The following KIF27 variants were observed in gnomAD, a reference collection of about 807,000 sequenced individuals.
KIF27 encodes the protein kinesin-like protein KIF27.
Under a neutral mutation model 141.8 loss-of-function variants are expected in KIF27, and 84 were observed. The ratio of observed to expected loss-of-function variants is 0.59; its 90% CI spans 0.50 to 0.71. KIF27 has a LOEUF of 0.71. KIF27 is among the 30% of genes least tolerant of loss of function. The pLI is 0.00. For missense variants in KIF27, 1,306 were observed against 1,628.4 expected, an observed-to-expected ratio of 0.80 and a Z score of 3.41; for synonymous variants, 471 against 569.5, an observed-to-expected ratio of 0.83 and a Z score of 2.46.
intron 2 of KIF27, among the ~76,000 whole-genome samples, chr9:83,914,130 G>A (rs1173314301): frequency 1.3e-5 from 2 of 150,038 alleles, no homozygotes; most frequent in African/African-American, 2.4e-5. Flanking sequence ...CTATAATTAA[G>A]TCACCAGCTT....
rs1219773631 is a variant in KIF27, at chr9:83,836,466, C to G, written c.*535G>C. On this transcript the variant is annotated 3_prime_UTR_variant, in exon 18 of 18. Transcript: ENST00000297814. Reference sequence around the variant, plus strand: ...AGTGAGCATGTTTAAAAAGTCAGGACTGACCGTTTCTGTGAGTTCTGAGGA... The same window carrying G: ...AGTGAGCATGTTTAAAAAGTCAGGAGTGACCGTTTCTGTGAGTTCTGAGGA... Among the ~76,000 whole-genome samples the G allele has an allele frequency of 2.6e-5, 4 of 152,018 alleles. No individual in the cohort carries two copies. The highest frequency in any genetic ancestry group is 6.6e-5 in the Admixed American group (1 of 15,254).
chr9:83,870,746 T>A, intron 11 of KIF27, 114 bp from the exon 12 acceptor site: 1 of 1,432,832 alleles, frequency 7.0e-7, no homozygotes, highest in Non-Finnish European at 9.1e-7. Context: ...GCTCTCGCTC[T>A]GTCACCCAGG....
intron 7 of KIF27, 150 bp downstream of exon 7, chr9:83,888,934 T>C: frequency 1.2e-6 from 1 of 812,416 alleles, no homozygotes; most frequent in Non-Finnish European, 1.8e-6. Flanking sequence ...ACTATTTTCA[T>C]AACACATTAG....
chr9:83,889,208 C>T lies in KIF27; in HGVS notation c.1855G>A (p.Gly619Arg), dbSNP rs749789850. 1.9e-6 allele frequency: 3 copies of T among 1,613,640 alleles called. No homozygotes were observed. Among genetic ancestry groups the T allele is most frequent in the South Asian group, 2.2e-5 (2 of 91,028 alleles). The change falls in exon 7 of 18, where the codon GGA (glycine) becomes AGA (arginine). Residue 619 changes from glycine (G) to arginine (R), a missense_variant. By Grantham distance (125) the Gly-to-Arg change is moderately radical. This residue lies in a region of KIF27 where 596 missense variants were observed against 751.6 expected (regional missense o/e 0.79). Transcript: ENST00000297814. Reference protein sequence around the residue: ...PMYSLDRIFAGFRTRSQMLLG... With the variant: ...PMYSLDRIFARFRTRSQMLLG... Reference sequence around the variant, plus strand: ...AGCATCTGACTTCGTGTTCGAAATCCAGCAAATATTCGATCCAGAGAGTAC... The same window carrying T: ...AGCATCTGACTTCGTGTTCGAAATCTAGCAAATATTCGATCCAGAGAGTAC...
chr9:83,903,824 A>T lies in KIF27; in HGVS notation c.694T>A (p.Ser232Thr), dbSNP rs776870488. 2 of 1,614,040 alleles carry T rather than the reference A, an allele frequency of 1.2e-6. No homozygotes were observed. ...AACTTTGAGACAATATGCCGAGGGG[A>T]ATACCATGATCCATCTTCAGCTGCC... is the stretch of plus-strand genomic sequence containing the variant. ...MEAAEDGSWYSPRHIVSKFHF... is the reference protein window; with the variant it reads ...MEAAEDGSWYTPRHIVSKFHF... Residue 232 changes from serine (S) to threonine (T), a missense_variant, in exon 4 of 18, where the codon TCC becomes ACC. Around this residue, in one of 4 missense-constraint regions of KIF27, gnomAD observed 533 missense variants for 565.6 expected, o/e 0.94. Transcript: ENST00000297814.
chr9:83,837,263 T>C lies in KIF27; in HGVS notation c.3944A>G (p.His1315Arg), dbSNP rs767480512. ...TGTTTTATTCTCATTACCTAACATATGCCCACTGGGGGGTGCTAAAGAACT... is the reference window on the plus strand; with the variant it reads ...TGTTTTATTCTCATTACCTAACATACGCCCACTGGGGGGTGCTAAAGAACT... The part of the protein sequence containing the change: ...IHSSLAPPSG[H>R]MLGNENKTET... The change falls in exon 18 of 18, where the codon CAT (histidine) becomes CGT (arginine). Residue 1315 changes from histidine (H) to arginine (R), a missense_variant. Physicochemically the swap from His to Arg is conservative, Grantham distance 29. Coordinates refer to ENST00000297814, the MANE Select transcript of KIF27 (RefSeq NM_017576.4). The C allele has an allele frequency of 1.9e-6, 3 of 1,611,758 alleles. No individual in the cohort carries two copies. Among genetic ancestry groups the C allele is most frequent in the East Asian group, 4.5e-5 (2 of 44,862 alleles).
intron 8 of KIF27, 124 bp from the exon 9 acceptor site, chr9:83,887,320 G>C: frequency 3.3e-6 from 2 of 601,970 alleles, no homozygotes; most frequent in Non-Finnish European, 5.3e-6. Flanking sequence ...CAAAAAGGAA[G>C]GGGAGGAAAA....
intron 4 of KIF27, among the ~76,000 whole-genome samples, chr9:83,902,435 A>G (rs1954016217): frequency 1.3e-5 from 2 of 152,194 alleles, no homozygotes; most frequent in Non-Finnish European, 2.9e-5. Flanking sequence ...ATCTTCACAC[A>G]ATAAACAGTT....
chr9:83,858,706 C>T (rs1331879464), intron 14 of KIF27: 1 of 163,520 alleles, frequency 6.1e-6, no homozygotes, highest in East Asian at 1.7e-4. Flanking sequence ...ACTGGGCCTT[C>T]TAAACCAAGG....
chr9:83,865,815 A>G (rs1200355890), intron 13 of KIF27, among the ~76,000 whole-genome samples: 7 of 152,236 alleles, frequency 4.6e-5, no homozygotes, highest in Admixed American at 4.6e-4. Flanking sequence ...ATCATATTTC[A>G]GAGTCAGGTA....
At chr9:83,861,758 T>A (rs1460113083) in intron 13 of KIF27, among the ~76,000 whole-genome samples, 1 of 151,616 alleles carries the variant, frequency 6.6e-6, no homozygotes, top group East Asian at 1.9e-4. Flanking sequence ...CACCACACTG[T>A]CTTCCACAAT....
chr9:83,914,386 T>C (rs968386573), intron 2 of KIF27, among the ~76,000 whole-genome samples: 1 of 152,132 alleles, frequency 6.6e-6, no homozygotes, highest in African/African-American at 2.4e-5. Context: ...GGCTCCTCCA[T>C]TTTAATCTTT....
At chr9:83,878,179 A>G (rs1371139039) in intron 11 of KIF27, among the ~76,000 whole-genome samples, 1 of 105,524 alleles carries the variant, frequency 9.5e-6, no homozygotes. Flanking sequence ...AAAAAAAAAA[A>G]AAAAAAAAAA....
chr9:83,842,656 T>C (rs1946723780), intron 16 of KIF27, among the ~76,000 whole-genome samples: 1 of 151,952 alleles, frequency 6.6e-6, no homozygotes, highest in South Asian at 2.1e-4. Context: ...TTAGTAGAGA[T>C]GGGGTTTCAT....
intron 14 of KIF27, chr9:83,858,880 G>A (rs1949562219): frequency 7.0e-6 from 3 of 427,594 alleles, no homozygotes; most frequent in Non-Finnish European, 1.3e-5. Flanking sequence ...AACCCCAGCT[G>A]AGGAGGCAAA....
chr9:83,909,568 A>G (rs943798125), intron 2 of KIF27, among the ~76,000 whole-genome samples: 5 of 150,408 alleles, frequency 3.3e-5, no homozygotes, highest in Non-Finnish European at 7.4e-5. Context: ...GAGCTGAGAC[A>G]GTGCCACTGT....
intron 1 of KIF27, among the ~76,000 whole-genome samples, chr9:83,918,237 T>C (rs1351830330): frequency 1.4e-5 from 2 of 144,756 alleles, no homozygotes; most frequent in African/African-American, 2.6e-5. Context: ...TCTGCACCAC[T>C]GCACTATAAC....
intron 2 of KIF27, among the ~76,000 whole-genome samples, chr9:83,908,963 A>G (rs1207005621): frequency 6.6e-6 from 1 of 152,128 alleles, no homozygotes; most frequent in African/African-American, 2.4e-5. Flanking sequence ...AACAAGTAAC[A>G]GTTTTCACAT....
At position 83,848,123 on chromosome 9, in the gene KIF27, C is replaced by CATATATA. The variant is rs1947673875; in HGVS notation, c.3556+1975_3556+1976insTATATAT. Among the ~76,000 whole-genome samples the CATATATA allele has an allele frequency of 3.8e-4, 14 of 36,394 alleles. 3 individuals are homozygous for CATATATA. The highest frequency in any genetic ancestry group is 6.4e-4 in the Admixed American group (3 of 4,724). The allele number at this position is 36,394 out of a possible 152,430, so 23.9% of individuals were successfully genotyped here. A position where few individuals can be genotyped will look rare whatever the true frequency, so the allele number is the denominator to read the frequency against. On this transcript the variant is annotated intron_variant, in intron 16 of 17. Coordinates refer to ENST00000297814, the MANE Select transcript of KIF27 (RefSeq NM_017576.4). ...ATATGATATCTCATATCTGATATAT[C>CATATATA]TGATATCTCATATATGATATATCTG...
Sources: gnomAD v4.1 joint callset for allele counts (sites outside exome capture counted in the v4.1 genomes callset) on GRCh38, gnomAD v4.1.1 for gene constraint, gnomAD v4.1.1 regional missense constraint, MANE v1.5 for transcripts, NCBI Gene and HGNC (gene_info 2026-07-23, HGNC 2026-07-21) for gene names.